Variants in STARD13 observed in about 807,000 individuals in gnomAD.
STARD13 encodes the protein StAR related lipid transfer domain containing 13, also known as stAR-related lipid transfer protein 13.
STARD13 carries 62 observed loss-of-function variants against 106.4 expected under a neutral mutation model. That is an observed-to-expected ratio of 0.58 (90% CI 0.48 to 0.72). The LOEUF (loss-of-function observed/expected upper bound fraction) is 0.72. STARD13 is among the 30% of genes least tolerant of loss of function. STARD13 has a pLI of 0.00. For missense variants in STARD13, 1,387 were observed against 1,424.0 expected (o/e 0.97, Z 0.42); for synonymous variants, 565 against 553.0 (o/e 1.02, Z -0.31).
chr13:33,278,286 T>G (rs1279309294), intron 1 of STARD13: 1 of 152,192 alleles, frequency 6.6e-6, no homozygotes, highest in Non-Finnish European at 1.5e-5. Flanking sequence ...CAGAAATGTT[T>G]TCTCCCTTGA....
chr13:33,671,305 C>A, the STARD13 span, among the ~76,000 whole-genome samples: 1 of 152,174 alleles, frequency 6.6e-6, no homozygotes, highest in Non-Finnish European at 1.5e-5. Context: ...GTTAAAAGAC[C>A]ATATGTCTTC....
chr13:33,439,599 C>T, the STARD13 span: 9 of 574,392 alleles, frequency 1.6e-5, no homozygotes, highest in Non-Finnish European at 2.9e-6. Context: ...TTCAGCAACA[C>T]TTATGGCATG....
chr13:33,216,634 G>A (rs565610078), intron 1 of STARD13, among the ~76,000 whole-genome samples: 21 of 152,180 alleles, frequency 1.4e-4, no homozygotes, highest in Admixed American at 1.1e-3. Context: ...AGGGTGACAG[G>A]TGCACCAAAA....
chr13:33,330,561 A>G (rs1237267933), intron 1 of STARD13, among the ~76,000 whole-genome samples: 1 of 152,218 alleles, frequency 6.6e-6, no homozygotes, highest in African/African-American at 2.4e-5. Context: ...TCATCAAGAA[A>G]TGCTATGAAC....
the STARD13 span, among the ~76,000 whole-genome samples, chr13:33,519,145 A>T: frequency 6.6e-6 from 1 of 151,848 alleles, no homozygotes; most frequent in African/African-American, 2.4e-5. Context: ...CTTCAGCAAG[A>T]ATCCTCTCAG....
chr13:33,140,767 T>C (rs1005212724), intron 4 of STARD13, among the ~76,000 whole-genome samples: 1 of 142,460 alleles, frequency 7.0e-6, no homozygotes, highest in Admixed American at 7.0e-5. Flanking sequence ...CTTTTCTTTC[T>C]TTTTTTTTTT....
At chr13:33,241,770 G>A (rs1157912371) in intron 1 of STARD13, among the ~76,000 whole-genome samples, 2 of 152,144 alleles carry the variant, frequency 1.3e-5, no homozygotes, top group African/African-American at 2.4e-5. Flanking sequence ...TCCAGCTCCT[G>A]ACCGCGAGTG....
At chr13:33,226,169 A>G (rs1888614583) in intron 1 of STARD13, among the ~76,000 whole-genome samples, 1 of 152,220 alleles carries the variant, frequency 6.6e-6, no homozygotes, top group African/African-American at 2.4e-5. Flanking sequence ...CTGTGAGAAA[A>G]CAAATTTCTG....
chr13:33,133,108 A>T (rs1878553252), intron 4 of STARD13, among the ~76,000 whole-genome samples: 1 of 152,230 alleles, frequency 6.6e-6, no homozygotes, highest in Non-Finnish European at 1.5e-5. Context: ...GATATTTTAA[A>T]ACAGAAACTA....
At position 33,110,087 on chromosome 13, in the gene STARD13, C is replaced by G. The variant is rs1223476205; in HGVS notation, c.2833G>C (p.Gly945Arg). ...DNTDLAFKKV[G>R]DGNPLKLWKA... ...CACAGCTTCAGCGGGTTCCCGTCGCCCACCTTGGGAAAGACAACGTCAGAA... is the reference window on the plus strand; with the variant it reads ...CACAGCTTCAGCGGGTTCCCGTCGCGCACCTTGGGAAAGACAACGTCAGAA... The change falls in exon 12 of 14, where the codon GGC becomes CGC. Residue 945 changes from glycine to arginine, a missense_variant. By Grantham distance (125) the Gly-to-Arg change is moderately radical. Coordinates refer to ENST00000336934, the MANE Select transcript of STARD13 (RefSeq NM_178006.4). The G allele has an allele frequency of 6.2e-7, 1 of 1,613,992 alleles. No homozygotes were observed. The highest frequency in any genetic ancestry group is 8.5e-7 in the Non-Finnish European group (1 of 1,179,958).
chr13:33,476,230 G>T, the STARD13 span, among the ~76,000 whole-genome samples: 2 of 152,070 alleles, frequency 1.3e-5, no homozygotes, highest in African/African-American at 4.8e-5. Context: ...CATCTGGATT[G>T]AATAATAATA....
intron 1 of STARD13, among the ~76,000 whole-genome samples, chr13:33,176,660 GA>G (rs1319063881): frequency 6.6e-6 from 1 of 152,090 alleles, no homozygotes; most frequent in Non-Finnish European, 1.5e-5. Flanking sequence ...ATTTGGGATG[GA>G]AGAGATGAAG....
At chr13:33,267,543 G>A (rs961485351) in intron 1 of STARD13, among the ~76,000 whole-genome samples, 1 of 152,178 alleles carries the variant, frequency 6.6e-6, no homozygotes, top group African/African-American at 2.4e-5. Flanking sequence ...GTATTTGAAT[G>A]CGTTGTTATA....
the STARD13 span, among the ~76,000 whole-genome samples, chr13:33,563,181 T>C: frequency 2.7e-5 from 4 of 146,284 alleles, 1 homozygote; most frequent in African/African-American, 1.0e-4. Flanking sequence ...TCCAATTCAA[T>C]CCCTATCAAA....
the STARD13 span, among the ~76,000 whole-genome samples, chr13:33,659,526 T>C: frequency 6.6e-6 from 1 of 152,200 alleles, no homozygotes; most frequent in Non-Finnish European, 1.5e-5. Context: ...CCTGTGGCTT[T>C]TGATTGGCAT....
intron 1 of STARD13, among the ~76,000 whole-genome samples, chr13:33,178,627 T>A (rs183900666): frequency 1.1e-3 from 167 of 152,356 alleles, no homozygotes; most frequent in Non-Finnish European, 1.2e-3. Flanking sequence ...AATTCAAAAC[T>A]AAGGTCCTGG....
chr13:33,469,852 G>T, the STARD13 span, among the ~76,000 whole-genome samples: 5 of 152,172 alleles, frequency 3.3e-5, no homozygotes, highest in Admixed American at 1.3e-4. Flanking sequence ...CAAGGGAAAA[G>T]GATGTTCATG....
At chr13:33,532,772 G>A in the STARD13 span, among the ~76,000 whole-genome samples, 1 of 152,174 alleles carries the variant, frequency 6.6e-6, no homozygotes, top group South Asian at 2.1e-4. Context: ...AAGTAATTAT[G>A]AACTAATCTG....
intron 3 of STARD13, among the ~76,000 whole-genome samples, chr13:33,148,919 A>C (rs1193284228): frequency 2.0e-5 from 3 of 152,224 alleles, no homozygotes; most frequent in African/African-American, 7.2e-5. Context: ...GACATAGAAG[A>C]AACTTAAGTG....
Sources: gnomAD v4.1 joint callset for allele counts (sites outside exome capture counted in the v4.1 genomes callset) on GRCh38, gnomAD v4.1.1 for gene constraint, MANE v1.5 for transcripts, NCBI Gene and HGNC (gene_info 2026-07-23, HGNC 2026-07-21) for gene names.